The following FBXW2 variants were observed in gnomAD, a reference collection of about 807,000 sequenced individuals.
The protein encoded by FBXW2 is F-box/WD repeat-containing protein 2.
A neutral mutation model predicts 46.0 loss-of-function variants in FBXW2; 12 were observed. The ratio of observed to expected loss-of-function variants is 0.26; its 90% CI spans 0.17 to 0.42. FBXW2 has a LOEUF of 0.42. FBXW2 is among the 10% of genes least tolerant of loss of function. FBXW2 has a pLI of 1.00. For missense variants in FBXW2, 360 were observed against 537.0 expected (o/e 0.67, Z 3.26); for synonymous variants, 203 against 209.6 (o/e 0.97, Z 0.27).
At position 120,772,855 on chromosome 9, in the gene FBXW2, C is replaced by G. The variant is rs754984984; in HGVS notation, c.820-15G>C. The G allele has an allele frequency of 6.3e-7, 1 of 1,581,468 alleles. No homozygotes were observed. ...TGCAAAACTACCTGCAAATGTAAACCATGTTACGGAAAGATCCTTTTAATG... is the reference window on the plus strand; with the variant it reads ...TGCAAAACTACCTGCAAATGTAAACGATGTTACGGAAAGATCCTTTTAATG... On this transcript the variant is annotated splice_polypyrimidine_tract_variant and intron_variant, in intron 5 of 7. Coordinates refer to ENST00000608872, the MANE Select transcript of FBXW2 (RefSeq NM_012164.4).
chr9:120,787,922 C>G lies in FBXW2; in HGVS notation c.337G>C (p.Val113Leu). 2 of 1,614,232 alleles carry G rather than the reference C, an allele frequency of 1.2e-6. No individual in the cohort carries two copies. The highest frequency in any genetic ancestry group is 1.7e-6 in the Non-Finnish European group (2 of 1,180,050). Residue 113 changes from valine to leucine, a missense_variant, in exon 3 of 8, where the codon GTT becomes CTT. Coordinates refer to ENST00000608872, the MANE Select transcript of FBXW2 (RefSeq NM_012164.4). ...KNLGWQIDDS[V>L]QDALHWKKVY... ...TTCTTCCAGTGCAAAGCGTCCTGAA[C>G]AGAATCATCTATCTGCCAGCCCAAA...
rs181923382 is a variant in FBXW2 at position 120,757,014 on chromosome 9, T to C, written c.*7545A>G. ...ATTTCTAAATCAGTGATAATTAGAT[T>C]AGTGAAATTTTATTTATAGCCATAA... On this transcript the variant is annotated 3_prime_UTR_variant, in exon 8 of 8. Transcript: ENST00000608872. The C allele has an allele frequency of 6.6e-6, 1 of 152,242 alleles. No homozygotes were observed. The highest frequency in any genetic ancestry group is 1.5e-5 in the Non-Finnish European group (1 of 68,038). The allele number at this position is 152,242 out of a possible 1,614,324, so 9.4% of individuals were successfully genotyped here.
chr9:120,772,696 T>C, intron 6 of FBXW2, 58 bp downstream of exon 6: 1 of 1,187,784 alleles, frequency 8.4e-7, no homozygotes, highest in Non-Finnish European at 1.2e-6. Flanking sequence ...CCACTTTCAT[T>C]TTCTTATGTT....
At chr9:120,779,724 T>G (rs1211185036) in intron 3 of FBXW2, among the ~76,000 whole-genome samples, 1 of 152,170 alleles carries the variant, frequency 6.6e-6, no homozygotes, top group East Asian at 1.9e-4. Flanking sequence ...GGTCCAATAA[T>G]CTTAAAAGTT....
intron 5 of FBXW2, among the ~76,000 whole-genome samples, chr9:120,774,529 ATGATTC>A (rs1368461833): frequency 6.6e-6 from 1 of 152,066 alleles, no homozygotes; most frequent in Non-Finnish European, 1.5e-5. Context: ...ACAACAACAA[ATGATTC>A]TTCTTTGTTT....
At chr9:120,783,656 A>G (rs1326991096) in intron 3 of FBXW2, among the ~76,000 whole-genome samples, 1 of 152,204 alleles carries the variant, frequency 6.6e-6, no homozygotes, top group Non-Finnish European at 1.5e-5. Flanking sequence ...CAGTCAGGTC[A>G]TCTTCCTGGT....
intron 5 of FBXW2, among the ~76,000 whole-genome samples, chr9:120,775,417 T>A (rs575018758): frequency 1.3e-5 from 2 of 152,320 alleles, no homozygotes; most frequent in Admixed American, 1.3e-4. Context: ...TATTTACCCA[T>A]GAAATTGTTT....
chr9:120,774,361 A>C (rs1564454596), intron 5 of FBXW2, among the ~76,000 whole-genome samples: 1 of 151,384 alleles, frequency 6.6e-6, no homozygotes, highest in Non-Finnish European at 1.5e-5. Context: ...AAAAAAAAGA[A>C]ATTAGCTCAG....
In FBXW2 at chr9:120,778,483, G is replaced by C; in HGVS notation, c.553C>G (p.Gln185Glu). The change falls in exon 4 of 8, where the codon CAG becomes GAG. Residue 185 changes from glutamine (Q) to glutamate (E), a missense_variant. Coordinates refer to ENST00000608872, the MANE Select transcript of FBXW2 (RefSeq NM_012164.4). ...TTCACCGCTGCACAAGTGTGGGTCT[G>C]GATGCCATAAACGCACTGCCCTGTG... ...VSTGQCVYGI[Q>E]THTCAAVKFD... The C allele has an allele frequency of 1.2e-6, 2 of 1,614,116 alleles. No homozygotes were observed. Among genetic ancestry groups the C allele is most frequent in the East Asian group, 2.2e-5 (1 of 44,868 alleles).
intron 7 of FBXW2, among the ~76,000 whole-genome samples, chr9:120,768,525 A>T (rs979782734): frequency 6.6e-6 from 1 of 152,186 alleles, no homozygotes. Context: ...CCTACAAAAG[A>T]GATCTAAAGG....
At chr9:120,781,635 TACACACACAC>T (rs1161130344) in intron 3 of FBXW2, among the ~76,000 whole-genome samples, 1,984 of 43,638 alleles carry the variant, frequency 0.045, 55 homozygotes, top group African/African-American at 0.077. Flanking sequence ...TTTATATACA[TACACACACAC>T]ACACACACAC....
chr9:120,774,747 A>T (rs1269176375), intron 5 of FBXW2, among the ~76,000 whole-genome samples: 2 of 152,166 alleles, frequency 1.3e-5, no homozygotes, highest in East Asian at 3.8e-4. Context: ...TAAAACATAG[A>T]TCGCACCAGA....
intron 2 of FBXW2, chr9:120,792,761 T>G (rs2044875723): frequency 1.4e-6 from 1 of 702,182 alleles, no homozygotes; most frequent in African/African-American, 1.8e-5. Flanking sequence ...AACAAGACAG[T>G]GCAAGTAAAG....
At chr9:120,778,305 A>C in intron 4 of FBXW2, 46 bp downstream of exon 4, 2 of 1,518,804 alleles carry the variant, frequency 1.3e-6, no homozygotes, top group Non-Finnish European at 1.8e-6. Flanking sequence ...CCTGGCTTAA[A>C]AGGATGAGGC....
At chr9:120,786,237 G>A in intron 3 of FBXW2, among the ~76,000 whole-genome samples, 1 of 152,120 alleles carries the variant, frequency 6.6e-6, no homozygotes, top group East Asian at 1.9e-4. Flanking sequence ...AGGTATTGAG[G>A]GACAGACTTG....
chr9:120,780,280 C>A (rs2044583419), intron 3 of FBXW2, among the ~76,000 whole-genome samples: 1 of 151,594 alleles, frequency 6.6e-6, no homozygotes, highest in Admixed American at 6.6e-5. Flanking sequence ...ATCACTTGAA[C>A]CCGGGAGGAG....
rs1360892442 is a variant in FBXW2 at position 120,781,523 on chromosome 9, A to G, written c.491-2978T>C. Among the ~76,000 whole-genome samples the G allele has an allele frequency of 2.6e-5, 4 of 152,234 alleles. No individual in the cohort carries two copies. The East Asian group carries it at 7.7e-4, about 29-fold the overall frequency. ...GCATATCAGAAAGATCACTATGGCT[A>G]TATCATGGAAAAAGGTTTGAAGGGG... On this transcript the variant is annotated intron_variant, in intron 3 of 7. Coordinates refer to ENST00000608872, the MANE Select transcript of FBXW2 (RefSeq NM_012164.4).
At chr9:120,784,790 G>A (rs369314262) in intron 3 of FBXW2, among the ~76,000 whole-genome samples, 10 of 151,542 alleles carry the variant, frequency 6.6e-5, no homozygotes, top group South Asian at 2.1e-4. Context: ...CTGTGGTGGC[G>A]CGTGCCTGTA....
Position 120,770,248 on chromosome 9 carries a change from C to T in FBXW2, c.1076+1100G>A, listed in dbSNP as rs543387322. On this transcript the variant is annotated intron_variant, in intron 7 of 7. Coordinates refer to ENST00000608872, the MANE Select transcript of FBXW2 (RefSeq NM_012164.4). The stretch of plus-strand genomic sequence containing the variant: ...AAAATTAGCCGGGCATGGTGGCGGG[C>T]GCCTGTAGTCCCAGCTACTCGGGAG... Among the ~76,000 whole-genome samples the T allele has an allele frequency of 6.4e-4, 97 of 152,062 alleles. No individual in the cohort carries two copies. The South Asian group carries it at 0.014, about 22-fold the overall frequency.
Sources: allele counts gnomAD v4.1 joint callset (sites outside exome capture counted in the v4.1 genomes callset), GRCh38; gene constraint gnomAD v4.1.1; transcripts MANE v1.5; gene names NCBI Gene and HGNC (gene_info 2026-07-23, HGNC 2026-07-21).